SPATA31F1: variants seen among roughly 807,000 people sequenced by gnomAD.
SPATA31F1 encodes the protein protein SPATA31F1.
At chr9:34,727,104 A>T in the SPATA31F1 span, 1 of 1,437,856 alleles carries the variant, frequency 7.0e-7, no homozygotes, top group Non-Finnish European at 9.1e-7. Context: ...GGCCTATACC[A>T]TCTTGTTGTC....
the SPATA31F1 span, chr9:34,728,737 T>C: frequency 7.8e-7 from 1 of 1,277,936 alleles, no homozygotes. Context: ...CTTACATACA[T>C]TTTTCACTCG....
At chr9:34,727,558 G>GTA in the SPATA31F1 span, among the ~76,000 whole-genome samples, 1 of 152,188 alleles carries the variant, frequency 6.6e-6, no homozygotes, top group East Asian at 1.9e-4. Context: ...AGTGTCCCAA[G>GTA]TACTGGCCTC....
chr9:34,724,484 G>A, the SPATA31F1 span: 5 of 1,551,798 alleles, frequency 3.2e-6, no homozygotes, highest in Non-Finnish European at 4.4e-6. Flanking sequence ...CTCTGGTGCT[G>A]CAACAGTTTG....
chr9:34,728,100 A>G, the SPATA31F1 span: 37 of 1,550,968 alleles, frequency 2.4e-5, no homozygotes, highest in South Asian at 3.7e-4. Context: ...ACGGGGAGAC[A>G]GTGTTATATG....
At chr9:34,724,485 C>A in the SPATA31F1 span, 1 of 1,551,818 alleles carries the variant, frequency 6.4e-7, no homozygotes, top group Non-Finnish European at 8.7e-7. Context: ...TCTGGTGCTG[C>A]AACAGTTTGT....
At chr9:34,725,323 G>A in the SPATA31F1 span, 8 of 966,454 alleles carry the variant, frequency 8.3e-6, 1 homozygote, top group South Asian at 7.4e-5. Flanking sequence ...CAGGCTGGGG[G>A]ATGCTCACGT....
the SPATA31F1 span, chr9:34,724,301 T>C: frequency 1.4e-4 from 219 of 1,551,312 alleles, no homozygotes; most frequent in Non-Finnish European, 1.7e-4. Flanking sequence ...AGCTTTGGAA[T>C]TGGATTGCTT....
chr9:34,724,201 C>T, the SPATA31F1 span: 5 of 1,551,456 alleles, frequency 3.2e-6, no homozygotes, highest in Admixed American at 5.9e-5. Flanking sequence ...TCACATTGGC[C>T]TCTACCTGAA....
chr9:34,723,658 C>G, the SPATA31F1 span: 5 of 1,551,640 alleles, frequency 3.2e-6, no homozygotes, highest in Non-Finnish European at 4.4e-6. Flanking sequence ...CTGGCATCAC[C>G]AGCCCATGCA....
the SPATA31F1 span, chr9:34,725,493 AGAG>A: frequency 1.6e-6 from 2 of 1,283,026 alleles, no homozygotes; most frequent in Non-Finnish European, 2.2e-6. Context: ...TCCGGGAAGA[AGAG>A]TAGTTCCCTG....
chr9:34,728,546 G>A, the SPATA31F1 span: 2 of 1,497,918 alleles, frequency 1.3e-6, no homozygotes, highest in Non-Finnish European at 1.8e-6. Context: ...AGGTCACAGA[G>A]GGACAGGATT....
chr9:34,726,082 G>T, the SPATA31F1 span: 25 of 1,501,208 alleles, frequency 1.7e-5, no homozygotes, highest in Middle Eastern at 1.7e-4. Context: ...GCTGACAGTG[G>T]TGTCTTTGTT....
the SPATA31F1 span, chr9:34,728,075 T>G: frequency 3.9e-6 from 6 of 1,551,916 alleles, no homozygotes. Flanking sequence ...CCCGGGAACG[T>G]CTCCTAGCTG....
the SPATA31F1 span, chr9:34,723,841 C>G: frequency 6.4e-7 from 1 of 1,551,704 alleles, no homozygotes; most frequent in Non-Finnish European, 8.7e-7. Context: ...CCTTCTCAGA[C>G]TCTTTCTCCC....
At chr9:34,726,874 G>C in the SPATA31F1 span, 1 of 1,551,794 alleles carries the variant, frequency 6.4e-7, no homozygotes, top group Non-Finnish European at 8.7e-7. Flanking sequence ...AGATCTGGTT[G>C]TTCTCACCCA....
the SPATA31F1 span, chr9:34,723,424 G>A: frequency 3.9e-6 from 6 of 1,551,754 alleles, no homozygotes; most frequent in Admixed American, 2.0e-5. Flanking sequence ...GGGCCTTGGA[G>A]CACCCTGTCG....
At chr9:34,723,826 C>T in the SPATA31F1 span, 2 of 1,551,724 alleles carry the variant, frequency 1.3e-6, no homozygotes, top group East Asian at 2.4e-5. Context: ...GACTGTCTTG[C>T]AGGTCCTTCT....
the SPATA31F1 span, chr9:34,729,388 G>T: frequency 6.4e-7 from 1 of 1,551,310 alleles, no homozygotes; most frequent in Non-Finnish European, 8.7e-7. Context: ...ATGTATAAGG[G>T]ATATCCAACT....
At chr9:34,723,452 C>A in the SPATA31F1 span, 1 of 1,551,810 alleles carries the variant, frequency 6.4e-7, no homozygotes, top group Non-Finnish European at 8.7e-7. Flanking sequence ...CGTCTTACTT[C>A]TCCCCACAGG....
Sources: allele counts gnomAD v4.1 joint callset (sites outside exome capture counted in the v4.1 genomes callset), GRCh38; gene constraint gnomAD v4.1.1; transcripts MANE v1.5; gene names NCBI Gene and HGNC (gene_info 2026-07-23, HGNC 2026-07-21).